CCSER1: variants seen among roughly 807,000 people sequenced by gnomAD.
CCSER1 encodes coiled-coil serine rich protein 1, also known as serine-rich coiled-coil domain-containing protein 1.
In CCSER1, 41 loss-of-function variants were observed where a neutral mutation model predicts 82.0. That is an observed-to-expected ratio of 0.50 (90% confidence interval 0.39 to 0.65). The LOEUF (loss-of-function observed/expected upper bound fraction) is 0.65, where lower values mean the gene tolerates loss of function less well. Ranked by LOEUF, CCSER1 falls within the 30% of genes least tolerant of loss-of-function variation. The pLI, the probability that CCSER1 is intolerant of heterozygous loss-of-function variation, is 0.00. For synonymous variants in CCSER1, 414 were observed against 383.9 expected, an observed-to-expected ratio of 1.08 and a Z score of -0.92; for missense variants, 1,119 against 1,064.2, an observed-to-expected ratio of 1.05 and a Z score of -0.72.
chr4:91,440,219 A>G (rs1186427669), intron 10 of CCSER1, among the ~76,000 whole-genome samples: 1 of 152,104 alleles, frequency 6.6e-6, no homozygotes, highest in African/African-American at 2.4e-5. Flanking sequence ...TTGGAGGTAA[A>G]ACTCTCCTCA....
chr4:90,716,911 G>A (rs1385751638), intron 6 of CCSER1, among the ~76,000 whole-genome samples: 2 of 152,086 alleles, frequency 1.3e-5, no homozygotes, highest in East Asian at 1.9e-4. Flanking sequence ...TGTAGAGCTG[G>A]ATTATCAATA....
At chr4:90,714,415 AC>A in intron 6 of CCSER1, among the ~76,000 whole-genome samples, 1 of 152,146 alleles carries the variant, frequency 6.6e-6, no homozygotes, top group East Asian at 1.9e-4. Context: ...AAACTAGAAA[AC>A]AATTCTGACT....
At chr4:90,163,393 A>G (rs559913100) in intron 1 of CCSER1, among the ~76,000 whole-genome samples, 18 of 152,254 alleles carry the variant, frequency 1.2e-4, no homozygotes, top group African/African-American at 2.9e-4. Flanking sequence ...TTGTGCATCT[A>G]TGTGCTATAA....
chr4:91,234,051 C>T (rs1037664164), intron 10 of CCSER1, among the ~76,000 whole-genome samples: 1 of 151,630 alleles, frequency 6.6e-6, no homozygotes, highest in Non-Finnish European at 1.5e-5. Flanking sequence ...CAACAGTAGA[C>T]AAAAAGTATT....
At chr4:91,467,545 A>G (rs984856972) in intron 10 of CCSER1, among the ~76,000 whole-genome samples, 1 of 152,208 alleles carries the variant, frequency 6.6e-6, no homozygotes, top group African/African-American at 2.4e-5. Flanking sequence ...AAAAGAAACT[A>G]CCATCAGAGT....
At chr4:90,453,375 C>T (rs1410549570) in intron 4 of CCSER1, among the ~76,000 whole-genome samples, 3 of 152,108 alleles carry the variant, frequency 2.0e-5, no homozygotes, top group Non-Finnish European at 4.4e-5. Flanking sequence ...GTTTTTGTAT[C>T]CCCAATATCA....
intron 10 of CCSER1, among the ~76,000 whole-genome samples, chr4:91,310,987 T>G (rs1745433971): frequency 6.6e-6 from 1 of 151,924 alleles, no homozygotes. Context: ...CTAGAAGAAA[T>G]AACTTTTAAA....
chr4:91,459,291 C>T (rs557827654), intron 10 of CCSER1, among the ~76,000 whole-genome samples: 1 of 152,052 alleles, frequency 6.6e-6, no homozygotes, highest in East Asian at 1.9e-4. Flanking sequence ...ATTATTGAAG[C>T]ATTAGGAATA....
chr4:91,168,578 G>A (rs28698893), intron 10 of CCSER1, among the ~76,000 whole-genome samples: 96,533 of 139,558 alleles, frequency 0.69, 32,923 homozygotes, highest in Non-Finnish European at 0.75. Context: ...ATTGAGGAGC[G>A]CCTCTGCCCG....
intron 6 of CCSER1, among the ~76,000 whole-genome samples, chr4:90,644,092 AT>A (rs1195207048): frequency 6.6e-6 from 1 of 152,094 alleles, no homozygotes; most frequent in Admixed American, 6.6e-5. Flanking sequence ...TGTTGCAGAG[AT>A]TCTTTTGCTA....
chr4:90,577,161 T>C (rs922835825), intron 5 of CCSER1, among the ~76,000 whole-genome samples: 2 of 152,152 alleles, frequency 1.3e-5, no homozygotes, highest in Admixed American at 6.5e-5. Context: ...TTCTTGTCTG[T>C]ATATCTTTTT....
At chr4:91,371,235 C>T (rs866140577) in intron 10 of CCSER1, among the ~76,000 whole-genome samples, 1 of 152,074 alleles carries the variant, frequency 6.6e-6, no homozygotes, top group African/African-American at 2.4e-5. Flanking sequence ...TCTAATACTA[C>T]ATCATATTCA....
intron 10 of CCSER1, among the ~76,000 whole-genome samples, chr4:91,242,245 G>GT (rs1330697320): frequency 2.6e-5 from 4 of 152,208 alleles, no homozygotes; most frequent in Non-Finnish European, 5.9e-5. Context: ...GGTGTGATTG[G>GT]AAGGGAGTAA....
intron 9 of CCSER1, among the ~76,000 whole-genome samples, chr4:90,990,648 G>A (rs1736948500): frequency 6.6e-6 from 1 of 151,898 alleles, no homozygotes; most frequent in African/African-American, 2.4e-5. Context: ...GGGCCCAGAT[G>A]CACTGAATCA....
At chr4:90,803,887 T>C (rs530355968) in intron 7 of CCSER1, among the ~76,000 whole-genome samples, 2 of 152,324 alleles carry the variant, frequency 1.3e-5, no homozygotes, top group East Asian at 3.9e-4. Context: ...TTTTCTGACT[T>C]CTTAATGATC....
chr4:90,707,758 G>A (rs532256531), intron 6 of CCSER1, among the ~76,000 whole-genome samples: 1 of 152,132 alleles, frequency 6.6e-6, no homozygotes, highest in Admixed American at 6.6e-5. Context: ...AGGATGACAT[G>A]AGAGTGCAAA....
chr4:91,247,112 T>C (rs1385453748), intron 10 of CCSER1, among the ~76,000 whole-genome samples: 1 of 151,810 alleles, frequency 6.6e-6, no homozygotes, highest in Non-Finnish European at 1.5e-5. Flanking sequence ...CTATCCTGGC[T>C]AACACGGTGA....
chr4:90,893,334 T>C (rs1371304066), intron 8 of CCSER1, among the ~76,000 whole-genome samples: 2 of 152,104 alleles, frequency 1.3e-5, no homozygotes, highest in Non-Finnish European at 2.9e-5. Context: ...AGCTGTAATC[T>C]GTAAAGCTTG....
intron 10 of CCSER1, among the ~76,000 whole-genome samples, chr4:91,335,927 T>C (rs1309166122): frequency 6.6e-6 from 1 of 152,210 alleles, no homozygotes; most frequent in East Asian, 1.9e-4. Flanking sequence ...ACATAAAGAA[T>C]CACAAAACCA....
Sources: allele counts gnomAD v4.1 joint callset (sites outside exome capture counted in the v4.1 genomes callset), GRCh38; gene constraint gnomAD v4.1.1; transcripts MANE v1.5; gene names NCBI Gene and HGNC (gene_info 2026-07-23, HGNC 2026-07-21).